Variants in ZNF582 observed in about 807,000 individuals in gnomAD.
ZNF582 encodes zinc finger protein 582.
A neutral mutation model predicts 12.3 loss-of-function variants in ZNF582; 14 were observed. The ratio of observed to expected loss-of-function variants is 1.14; its 90% confidence interval spans 0.75 to 1.78. The LOEUF (loss-of-function observed/expected upper bound fraction) is 1.78, where lower values mean the gene tolerates loss of function less well. ZNF582 is among the 40% of genes most tolerant of loss of function. ZNF582 has a pLI of 0.00. For synonymous variants in ZNF582, 210 were observed against 207.2 expected (o/e 1.01, Z -0.11); for missense variants, 567 against 616.5 (o/e 0.92, Z 0.85).
chr19:56,388,813 A>G (rs2041991904), intron 4 of ZNF582, among the ~76,000 whole-genome samples: 1 of 151,988 alleles, frequency 6.6e-6, no homozygotes, highest in Non-Finnish European at 1.5e-5. Flanking sequence ...TTGTGATTTT[A>G]GTCGGGACGA....
At chr19:56,392,382 T>C (rs2042021757) in intron 1 of ZNF582, among the ~76,000 whole-genome samples, 1 of 152,010 alleles carries the variant, frequency 6.6e-6, no homozygotes, top group Non-Finnish European at 1.5e-5. Flanking sequence ...TGGGATAGAG[T>C]TGGAAGGAAC....
At position 56,384,910 on chromosome 19, in the gene ZNF582, T is replaced by C. The variant is rs754449796; in HGVS notation, c.507A>G (p.Lys169=). 2.5e-6 allele frequency: 4 copies of C among 1,614,014 alleles called. No homozygotes were observed. The South Asian group carries it at 4.4e-5, about 18-fold the overall frequency. The change falls in exon 5 of 5, where the codon AAA becomes AAG. Residue 169 remains lysine, a synonymous_variant. Coordinates refer to ENST00000586929, the Ensembl canonical transcript of ZNF582. ...TTCTACATTTATTATACCCAAAAGG[T>C]TTTTCTCTAGTATGAATTTTCTGAT...
chr19:56,390,155 C>G, intron 3 of ZNF582, 59 bp from the exon 4 acceptor site: 2 of 1,508,184 alleles, frequency 1.3e-6, no homozygotes, highest in East Asian at 2.3e-5. Context: ...GAATTCAGAT[C>G]CAGGACCTGG....
At chr19:56,393,155 G>A (rs62124385) in intron 1 of ZNF582, 65 bp downstream of exon 1, 20 of 1,186,902 alleles carry the variant, frequency 1.7e-5, no homozygotes, top group East Asian at 5.9e-5. Flanking sequence ...AAAAAAAAAG[G>A]CACGCATAAC....
intron 4 of ZNF582, chr19:56,387,398 TTC>T (rs2147510795): frequency 6.6e-6 from 1 of 152,306 alleles, no homozygotes; most frequent in South Asian, 2.1e-4. Context: ...CCTTCTTAAA[TTC>T]TGTCAGCATG....
intron 1 of ZNF582, 62 bp from the exon 2 acceptor site, chr19:56,391,894 G>T: frequency 1.4e-6 from 2 of 1,453,796 alleles, no homozygotes; most frequent in Non-Finnish European, 1.9e-6. Context: ...AGAATGCCAA[G>T]TTACAAGTCC....
intron 4 of ZNF582, among the ~76,000 whole-genome samples, chr19:56,388,644 T>C (rs1006115790): frequency 2.6e-5 from 4 of 152,140 alleles, no homozygotes; most frequent in Non-Finnish European, 5.9e-5. Flanking sequence ...TCTTTTTTTT[T>C]CTTTTTGAGA....
At chr19:56,383,774 G>A in exon 5 of ZNF582, 1 of 1,415,474 alleles carries the variant, frequency 7.1e-7, no homozygotes, top group East Asian at 2.4e-5. Flanking sequence ...TAGGATAAAG[G>A]CTTACCTCTG....
chr19:56,391,870 G>A (rs771178516), intron 1 of ZNF582, 38 bp from the exon 2 acceptor site: 136 of 1,574,706 alleles, frequency 8.6e-5, no homozygotes, highest in Non-Finnish European at 1.2e-5. Context: ...GGCTAGGCTT[G>A]CCTCACAGTT....
Position 56,383,941 on chromosome 19 carries a change from G to GT in ZNF582, c.1475dup (p.Tyr492Ter). The GT allele has an allele frequency of 6.2e-7, 1 of 1,612,932 alleles. No individual in the cohort carries two copies. The highest frequency in any genetic ancestry group is 8.5e-7 in the Non-Finnish European group (1 of 1,179,628). The change falls in exon 5 of 5, where the codon TAC (tyrosine) becomes TAAC (stop). Residue 492 changes from tyrosine (Y) to a stop codon, truncating the protein, a stop_gained and frameshift_variant. Coordinates refer to ENST00000586929, the Ensembl canonical transcript of ZNF582. LOFTEE classifies it low-confidence loss of function (END_TRUNC). ...TAAATTCTCTGATGATTAGTAAGGG[G>GT]TAACTGCTGATGGAAGGCTTTTCTA...
intron 3 of ZNF582, 129 bp from the exon 4 acceptor site, chr19:56,390,225 G>C: frequency 5.9e-6 from 8 of 1,357,772 alleles, no homozygotes; most frequent in Non-Finnish European, 8.3e-6. Flanking sequence ...AGTTGCCTGG[G>C]GGTAGGGGGA....
exon 5 of ZNF582, chr19:56,383,628 C>T: frequency 2.6e-6 from 1 of 381,680 alleles, no homozygotes; most frequent in Non-Finnish European, 4.5e-6. Context: ...GATAAAATTA[C>T]TACACTGTGG....
At chr19:56,383,808 T>G (rs547250806) in exon 5 of ZNF582, 1 of 1,497,044 alleles carries the variant, frequency 6.7e-7, no homozygotes, top group Non-Finnish European at 8.9e-7. Context: ...TCACTGGCAT[T>G]ACATTCTTCA....
intron 4 of ZNF582, chr19:56,387,697 AGGT>A (rs1212607065): frequency 1.3e-5 from 2 of 152,218 alleles, no homozygotes; most frequent in Non-Finnish European, 2.9e-5. Context: ...TCCTAGGCTC[AGGT>A]GATTCTCCTC....
At chr19:56,388,707 A>C (rs367748333) in intron 4 of ZNF582, among the ~76,000 whole-genome samples, 2 of 151,984 alleles carry the variant, frequency 1.3e-5, no homozygotes, top group African/African-American at 4.8e-5. Flanking sequence ...ATCTCGGATC[A>C]CTGCAATCTC....
chr19:56,390,584 A>G (rs1182346300), intron 2 of ZNF582, 83 bp from the exon 3 acceptor site: 1 of 1,461,956 alleles, frequency 6.8e-7, no homozygotes, highest in Non-Finnish European at 9.4e-7. Flanking sequence ...TCTTTGCGGG[A>G]GGGGGGGTTG....
chr19:56,384,529 T>C (rs1363443258), exon 5 of ZNF582: 2 of 1,613,568 alleles, frequency 1.2e-6, no homozygotes, highest in East Asian at 4.5e-5. Context: ...CTTTAAGATG[T>C]GAGATCCGAT....
chr19:56,385,095 G>A, exon 5 of ZNF582: 2 of 1,613,948 alleles, frequency 1.2e-6, no homozygotes, highest in Non-Finnish European at 1.7e-6. Flanking sequence ...TAACTTGTAA[G>A]GCTTTCCATT....
At chr19:56,393,192 AG>A (rs1272945536) in intron 1 of ZNF582, 27 bp downstream of exon 1, 1 of 1,264,428 alleles carries the variant, frequency 7.9e-7, no homozygotes, top group Non-Finnish European at 1.0e-6. Context: ...CCGCAATTTC[AG>A]GGGGTCGGAG....
Sources: gnomAD v4.1 joint callset for allele counts (sites outside exome capture counted in the v4.1 genomes callset) on GRCh38, gnomAD v4.1.1 for gene constraint, MANE v1.5 for transcripts, NCBI Gene and HGNC (gene_info 2026-07-23, HGNC 2026-07-21) for gene names.